The following UBR1 variants were observed in gnomAD, a reference collection of about 807,000 sequenced individuals.
UBR1 encodes the protein E3 ubiquitin-protein ligase UBR1.
Under a neutral mutation model 242.1 loss-of-function variants are expected in UBR1, and 102 were observed. The ratio of observed to expected loss-of-function variants is 0.42; its 90% CI spans 0.36 to 0.50. The LOEUF (loss-of-function observed/expected upper bound fraction) is 0.50. Ranked by LOEUF, UBR1 falls within the 20% of genes least tolerant of loss-of-function variation. UBR1 has a pLI of 0.01. For synonymous variants in UBR1, 675 were observed against 684.8 expected (o/e 0.99, Z 0.22); for missense variants, 1,772 against 2,101.8 (o/e 0.84, Z 3.07).
intron 10 of UBR1, among the ~76,000 whole-genome samples, chr15:43,057,489 T>C (rs902818542): frequency 1.3e-5 from 2 of 152,190 alleles, no homozygotes; most frequent in African/African-American, 4.8e-5. Context: ...AATAAAAGAT[T>C]CAAAGGAGTC....
Position 43,025,986 on chromosome 15 carries a change from G to A in UBR1, c.2536-557C>T, listed in dbSNP as rs564220570. On this transcript the variant is annotated intron_variant, in intron 23 of 46. Coordinates refer to ENST00000290650, the MANE Select transcript of UBR1 (RefSeq NM_174916.3). Reference sequence around the variant, plus strand: ...TGGCTCACGCCTGTAATCCCAGGACGTTGGGAGGCCGAGGTGGGTGGAATC... The same window carrying A: ...TGGCTCACGCCTGTAATCCCAGGACATTGGGAGGCCGAGGTGGGTGGAATC... 8.9e-4 allele frequency: 140 copies of A among 157,156 alleles called. 1 individual carries two copies. The highest frequency in any genetic ancestry group is 1.3e-3 in the South Asian group (7 of 5,216). 9.7% of individuals were successfully genotyped at this position (157,156 alleles called of 1,614,324 possible).
chr15:43,105,842 C>T, intron 1 of UBR1, 100 bp downstream of exon 1: 2 of 1,192,436 alleles, frequency 1.7e-6, no homozygotes, highest in Non-Finnish European at 2.5e-6. Flanking sequence ...ATAACTCCCC[C>T]TCCCCAGAGC....
At chr15:43,094,763 T>C (rs1335226851) in intron 1 of UBR1, among the ~76,000 whole-genome samples, 2 of 152,222 alleles carry the variant, frequency 1.3e-5, no homozygotes, top group Non-Finnish European at 2.9e-5. Context: ...CTTTACTTGT[T>C]ATCCCTACCA....
rs1017696721 is a variant in UBR1 at position 43,027,935 on chromosome 15, T to C, written c.2380-107A>G. On this transcript the variant is annotated intron_variant, in intron 21 of 46. Transcript: ENST00000290650. ...CATCTCTGAAGTACTTTGTAAATAA[T>C]TTTAAAAAGATCAATTTCCACTATT... is the stretch of plus-strand genomic sequence containing the variant. The C allele has an allele frequency of 9.4e-6, 9 of 957,596 alleles. No individual in the cohort carries two copies. In the African/African-American group the frequency reaches 1.3e-4, roughly 14 times the overall value. 59.3% of individuals were successfully genotyped at this position (957,596 alleles called of 1,614,324 possible).
At chr15:42,983,086 T>TA (rs2032403002) in intron 37 of UBR1, among the ~76,000 whole-genome samples, 2 of 152,194 alleles carry the variant, frequency 1.3e-5, no homozygotes. Context: ...TCTAACTTGT[T>TA]AGAATCTGAG....
intron 39 of UBR1, 31 bp downstream of exon 39, chr15:42,976,686 T>C (rs771496443): frequency 1.9e-5 from 30 of 1,613,110 alleles, no homozygotes; most frequent in African/African-American, 4.0e-5. Context: ...CAAAATGTTA[T>C]TCACAGTCAA....
At chr15:43,104,406 C>T (rs28581361) in intron 1 of UBR1, among the ~76,000 whole-genome samples, 36,699 of 152,078 alleles carry the variant, frequency 0.24, 5,301 homozygotes, top group African/African-American at 0.4. Flanking sequence ...CACAAACTAC[C>T]ATTAAAATGT....
At chr15:43,042,177 T>G (rs370110502) in intron 15 of UBR1, among the ~76,000 whole-genome samples, 3 of 152,152 alleles carry the variant, frequency 2.0e-5, no homozygotes, top group Non-Finnish European at 2.9e-5. Context: ...AATTCCACAT[T>G]TGGGTATATA....
At chr15:43,084,322 C>T (rs2034007786) in intron 2 of UBR1, among the ~76,000 whole-genome samples, 1 of 152,046 alleles carries the variant, frequency 6.6e-6, no homozygotes, top group Non-Finnish European at 1.5e-5. Context: ...CTCCATGAAA[C>T]TTTTGGAGAC....
rs749389531 is a variant in UBR1, at chr15:43,047,191, T to C, written c.1638A>G (p.Leu546=). 3 of 1,614,052 alleles carry C rather than the reference T, an allele frequency of 1.9e-6. No homozygotes were observed. Among genetic ancestry groups the C allele is most frequent in the Non-Finnish European group, 2.5e-6 (3 of 1,179,990 alleles). The stretch of plus-strand genomic sequence containing the variant: ...AAGCACACCACTCTTGGAACATGAG[T>C]AAAATATTCTTCAATTGCATCTGTA... ...IAIQMQLKNI[L]LMFQEWCACD... Residue 546 remains leucine, a synonymous_variant, in exon 14 of 47, where the codon TTA becomes TTG. Coordinates refer to ENST00000290650, the MANE Select transcript of UBR1 (RefSeq NM_174916.3).
At chr15:43,094,675 T>G (rs1157942812) in intron 1 of UBR1, among the ~76,000 whole-genome samples, 2 of 152,174 alleles carry the variant, frequency 1.3e-5, no homozygotes, top group African/African-American at 4.8e-5. Context: ...CTATACCAAA[T>G]GAACCTAGAT....
At chr15:43,026,437 G>A in intron 23 of UBR1, 124 bp downstream of exon 23, 2 of 715,152 alleles carry the variant, frequency 2.8e-6, no homozygotes, top group South Asian at 1.6e-5. Flanking sequence ...TAATTCTTGG[G>A]TGACATAATG....
intron 29 of UBR1, among the ~76,000 whole-genome samples, chr15:43,012,707 T>C (rs1017051324): frequency 6.6e-6 from 1 of 152,194 alleles, no homozygotes; most frequent in Non-Finnish European, 1.5e-5. Context: ...CTTTGGCTTG[T>C]CATTTAAAAT....
intron 3 of UBR1, among the ~76,000 whole-genome samples, chr15:43,076,477 G>A (rs1184736731): frequency 6.6e-6 from 1 of 150,880 alleles, no homozygotes; most frequent in Non-Finnish European, 1.5e-5. Flanking sequence ...CTTCCCCGCC[G>A]CCATCCCATC....
At chr15:43,081,821 G>C (rs1042344538) in intron 3 of UBR1, among the ~76,000 whole-genome samples, 10 of 151,660 alleles carry the variant, frequency 6.6e-5, no homozygotes, top group Admixed American at 4.6e-4. Context: ...CCACTTCTGA[G>C]AACCTATCCT....
intron 12 of UBR1, among the ~76,000 whole-genome samples, chr15:43,053,903 T>C (rs970567745): frequency 6.6e-6 from 1 of 151,450 alleles, no homozygotes; most frequent in African/African-American, 2.4e-5. Context: ...CTTTGCTCAC[T>C]ACAACCTCCA....
chr15:43,095,558 A>T (rs919781583), intron 1 of UBR1, among the ~76,000 whole-genome samples: 2 of 151,306 alleles, frequency 1.3e-5, no homozygotes, highest in African/African-American at 2.4e-5. Flanking sequence ...AAAAAAAAAA[A>T]GGCTGCATCA....
chr15:43,088,895 C>G (rs983762392), intron 1 of UBR1, among the ~76,000 whole-genome samples: 1 of 152,078 alleles, frequency 6.6e-6, no homozygotes, highest in Admixed American at 6.6e-5. Context: ...CACATGGTGG[C>G]TCATGCCTGT....
At chr15:43,058,788 C>T (rs760173232) in intron 9 of UBR1, among the ~76,000 whole-genome samples, 5 of 151,980 alleles carry the variant, frequency 3.3e-5, no homozygotes, top group East Asian at 1.9e-4. Flanking sequence ...TTTCGCTACT[C>T]GATAATGGCA....
Sources: allele counts gnomAD v4.1 joint callset (sites outside exome capture counted in the v4.1 genomes callset), GRCh38; gene constraint gnomAD v4.1.1; transcripts MANE v1.5; gene names NCBI Gene and HGNC (gene_info 2026-07-23, HGNC 2026-07-21).